Variants in TMEM272 observed in about 807,000 individuals in gnomAD.
The protein encoded by TMEM272 is long intergenic non-protein coding RNA 282.
A neutral mutation model predicts 3.7 loss-of-function variants in TMEM272; 8 were observed. That is an observed-to-expected ratio of 2.17 (90% CI 1.27 to 3.91). The LOEUF (loss-of-function observed/expected upper bound fraction) is 3.91. TMEM272 is among the 30% of genes most tolerant of loss of function. The pLI is 0.00. For synonymous variants in TMEM272, 63 were observed against 39.8 expected (o/e 1.58, Z -2.20); for missense variants, 166 against 91.5 (o/e 1.81, Z -3.32).
chr13:51,909,500 TCTCA>T, the TMEM272 span: 1 of 978,688 alleles, frequency 1.0e-6, no homozygotes, highest in Admixed American at 1.8e-5. Flanking sequence ...AGTTTCTGAT[TCTCA>T]CTTTCAAAAT....
upstream of TMEM272, among the ~76,000 whole-genome samples, chr13:51,846,048 T>C (rs760953124): frequency 5.3e-5 from 8 of 152,170 alleles, no homozygotes; most frequent in Non-Finnish European, 8.8e-5. Context: ...GAGCCTATTA[T>C]GTAAAATGCA....
At chr13:51,908,308 G>A in the TMEM272 span, 72 of 1,244,386 alleles carry the variant, frequency 5.8e-5, 1 homozygote, top group Middle Eastern at 7.6e-4. Context: ...AGAATGTGGG[G>A]GTGGGGGTGG....
intron 4 of TMEM272, among the ~76,000 whole-genome samples, chr13:51,819,882 C>G (rs1005554097): frequency 2.2e-4 from 34 of 152,100 alleles, no homozygotes; most frequent in African/African-American, 7.0e-4. Flanking sequence ...TTAACATGAC[C>G]CTCAGTAACA....
the TMEM272 span, chr13:51,866,168 A>C: frequency 9.2e-7 from 1 of 1,092,660 alleles, no homozygotes. Flanking sequence ...GAGAAAATAC[A>C]CACTCATTGG....
At chr13:51,840,224 C>A (rs773039744) in intron 1 of TMEM272, among the ~76,000 whole-genome samples, 1 of 152,048 alleles carries the variant, frequency 6.6e-6, no homozygotes, top group Non-Finnish European at 1.5e-5. Context: ...CACCCCAGAG[C>A]AATAAAGGGG....
intron 2 of TMEM272, among the ~76,000 whole-genome samples, chr13:51,835,237 T>A (rs1956205707): frequency 2.0e-5 from 3 of 151,766 alleles, no homozygotes; most frequent in Admixed American, 2.0e-4. Flanking sequence ...TCTTTTTTTT[T>A]TTTTGAGACG....
chr13:51,868,184 C>G, the TMEM272 span, among the ~76,000 whole-genome samples: 1 of 152,336 alleles, frequency 6.6e-6, no homozygotes, highest in South Asian at 2.1e-4. Flanking sequence ...CTGTGCCTTG[C>G]CAACACTATG....
chr13:51,908,815 T>A, the TMEM272 span: 9 of 1,438,446 alleles, frequency 6.3e-6, no homozygotes, highest in Non-Finnish European at 5.9e-6. Context: ...GGAGGAAACA[T>A]CATCCTACGG....
chr13:51,900,531 A>G, the TMEM272 span, among the ~76,000 whole-genome samples: 1 of 152,236 alleles, frequency 6.6e-6, no homozygotes, highest in South Asian at 2.1e-4. Context: ...CAGAAAAAAG[A>G]TGCAGCCCAT....
chr13:51,866,476 G>A, the TMEM272 span, among the ~76,000 whole-genome samples: 6 of 152,304 alleles, frequency 3.9e-5, no homozygotes, highest in African/African-American at 9.6e-5. Context: ...TCTCCGCCAC[G>A]CTGTGGGGAG....
chr13:51,883,369 G>A, the TMEM272 span, among the ~76,000 whole-genome samples: 22 of 152,318 alleles, frequency 1.4e-4, no homozygotes, highest in Admixed American at 2.6e-4. Flanking sequence ...AATGAGGTAC[G>A]TGAGCATCGA....
chr13:51,839,678 T>C (rs1163348162), intron 1 of TMEM272, among the ~76,000 whole-genome samples: 1 of 152,050 alleles, frequency 6.6e-6, no homozygotes, highest in Non-Finnish European at 1.5e-5. Flanking sequence ...ATGGGGAAGA[T>C]TTGTGGTCTG....
the TMEM272 span, among the ~76,000 whole-genome samples, chr13:51,916,758 C>G: frequency 4.6e-5 from 7 of 151,534 alleles, no homozygotes; most frequent in East Asian, 1.2e-3. Context: ...ATTTATTTTA[C>G]CTCAGTGATT....
chr13:51,820,465 C>G (rs780153149), intron 4 of TMEM272, among the ~76,000 whole-genome samples: 3 of 152,196 alleles, frequency 2.0e-5, no homozygotes, highest in Non-Finnish European at 4.4e-5. Context: ...TGGCTTCAAA[C>G]GGTTTTAGAT....
At chr13:51,875,583 C>G in the TMEM272 span, among the ~76,000 whole-genome samples, 1 of 152,204 alleles carries the variant, frequency 6.6e-6, no homozygotes, top group Admixed American at 6.5e-5. Flanking sequence ...TTCTACCCAC[C>G]TACCCCTCTC....
chr13:51,882,460 G>A, the TMEM272 span, among the ~76,000 whole-genome samples: 1 of 152,194 alleles, frequency 6.6e-6, no homozygotes, highest in Non-Finnish European at 1.5e-5. Context: ...TTGTAAATTA[G>A]CGTCCTAAGA....
chr13:51,840,751 T>C (rs1299135836), intron 1 of TMEM272, among the ~76,000 whole-genome samples: 1 of 152,238 alleles, frequency 6.6e-6, no homozygotes, highest in East Asian at 1.9e-4. Flanking sequence ...GAACTACTAT[T>C]CAAATGTCTC....
chr13:51,823,095 A>G (rs974619894), intron 3 of TMEM272, among the ~76,000 whole-genome samples: 1 of 152,130 alleles, frequency 6.6e-6, no homozygotes, highest in African/African-American at 2.4e-5. Flanking sequence ...TTTTTTTGAG[A>G]CAGAGTCTTG....
the TMEM272 span, among the ~76,000 whole-genome samples, chr13:51,895,275 G>A: frequency 6.6e-6 from 1 of 152,180 alleles, no homozygotes; most frequent in African/African-American, 2.4e-5. Context: ...GGTTTGTGGG[G>A]AGCTGCAGAG....
Sources: gnomAD v4.1 joint callset for allele counts (sites outside exome capture counted in the v4.1 genomes callset) on GRCh38, gnomAD v4.1.1 for gene constraint, MANE v1.5 for transcripts, NCBI Gene and HGNC (gene_info 2026-07-23, HGNC 2026-07-21) for gene names.